PAM: variants seen among roughly 807,000 people sequenced by gnomAD.
The protein encoded by PAM is peptidyl-glycine alpha-amidating monooxygenase.
Under a neutral mutation model 122.1 loss-of-function variants are expected in PAM, and 72 were observed. The ratio of observed to expected loss-of-function variants is 0.59; its 90% CI spans 0.49 to 0.72. The LOEUF (loss-of-function observed/expected upper bound fraction) is 0.72. Ranked by LOEUF, PAM falls within the 30% of genes least tolerant of loss-of-function variation. The pLI is 0.00. For synonymous variants in PAM, 389 were observed against 404.4 expected, an observed-to-expected ratio of 0.96 and a Z score of 0.46; for missense variants, 1,106 against 1,183.7, an observed-to-expected ratio of 0.93 and a Z score of 0.96.
At chr5:102,830,373 C>T (rs1775069028) in intron 1 of PAM, among the ~76,000 whole-genome samples, 1 of 152,154 alleles carries the variant, frequency 6.6e-6, no homozygotes, top group African/African-American at 2.4e-5. Flanking sequence ...TATTTCACCA[C>T]TGTACTGAAT....
intron 1 of PAM, among the ~76,000 whole-genome samples, chr5:102,759,859 G>T (rs528322215): frequency 6.6e-6 from 1 of 152,182 alleles, no homozygotes; most frequent in African/African-American, 2.4e-5. Flanking sequence ...ATGCAGTCTA[G>T]CTACTGTATA....
At position 102,784,139 on chromosome 5, in the gene PAM, C is replaced by T. The variant is rs187910120; in HGVS notation, c.-374+28791C>T. Reference sequence around the variant, plus strand: ...CGATCTCCTGACCTTGTGATCCGCCCGCCTCAGACTCCCAAAGTGCTGGGA... The same window carrying T: ...CGATCTCCTGACCTTGTGATCCGCCTGCCTCAGACTCCCAAAGTGCTGGGA... On this transcript the variant is annotated intron_variant, in intron 1 of 25. Transcript: ENST00000438793. Among the ~76,000 whole-genome samples, 10 of 152,032 alleles carry T rather than the reference C, an allele frequency of 6.6e-5. No individual in the cohort carries two copies. In the East Asian group the frequency reaches 9.7e-4, roughly 15 times the overall value.
At position 103,025,229 on chromosome 5, in the gene PAM, T is replaced by C; in HGVS notation, c.2584T>C (p.Ser862Pro). 1 of 1,613,296 alleles carries C rather than the reference T, an allele frequency of 6.2e-7. No individual in the cohort carries two copies. Among genetic ancestry groups the C allele is most frequent in the Non-Finnish European group, 8.5e-7 (1 of 1,179,296 alleles). Reference sequence around the variant, plus strand: ...ACAGAAACTGATCAAAGAGCCAGGCTCGGGAGTGCCTGTTGTTCTCATTAC... The same window carrying C: ...ACAGAAACTGATCAAAGAGCCAGGCCCGGGAGTGCCTGTTGTTCTCATTAC... ...EKQKLIKEPGSGVPVVLITTL... is the reference protein window; with the variant it reads ...EKQKLIKEPGPGVPVVLITTL... Residue 862 changes from serine to proline, a missense_variant, in exon 24 of 26, where the codon TCG (serine) becomes CCG (proline). By Grantham distance (74) the Ser-to-Pro change is moderately conservative. Around this residue, in one of 3 missense-constraint regions of PAM, gnomAD observed 333 missense variants for 335.6 expected, o/e 0.99. Coordinates refer to ENST00000438793, the MANE Select transcript of PAM (RefSeq NM_001177306.2).
At chr5:102,972,755 G>A (rs996283097) in intron 14 of PAM, among the ~76,000 whole-genome samples, 2 of 152,210 alleles carry the variant, frequency 1.3e-5, no homozygotes, top group South Asian at 4.1e-4. Context: ...GAATGCCACT[G>A]TGCCCTAACA....
intron 4 of PAM, among the ~76,000 whole-genome samples, chr5:102,911,329 A>T (rs1009368484): frequency 1.3e-5 from 2 of 151,958 alleles, no homozygotes; most frequent in African/African-American, 4.8e-5. Context: ...TATGTGAGTC[A>T]GTGAGAATCT....
At chr5:102,943,802 TG>T (rs1756086035) in intron 7 of PAM, among the ~76,000 whole-genome samples, 1 of 152,218 alleles carries the variant, frequency 6.6e-6, no homozygotes, top group Non-Finnish European at 1.5e-5. Context: ...TAATTCGGCA[TG>T]GTTATACATC....
At chr5:102,949,409 G>A (rs1758041603) in intron 9 of PAM, 128 bp from the exon 10 acceptor site, 2 of 689,982 alleles carry the variant, frequency 2.9e-6, no homozygotes, top group African/African-American at 3.6e-5. Flanking sequence ...CTTAATATCT[G>A]TGTATTTAAG....
chr5:102,895,897 T>C (rs1581438314), intron 3 of PAM: 1 of 151,684 alleles, frequency 6.6e-6, no homozygotes, highest in Non-Finnish European at 1.5e-5. Context: ...GTTCAGAAGA[T>C]TGACTGATTC....
At chr5:102,936,200 T>C (rs188879215) in intron 7 of PAM, among the ~76,000 whole-genome samples, 17 of 152,176 alleles carry the variant, frequency 1.1e-4, no homozygotes, top group African/African-American at 4.1e-4. Flanking sequence ...TAGCTTGAAA[T>C]TGGCTGTGGT....
intron 7 of PAM, among the ~76,000 whole-genome samples, chr5:102,938,018 C>T (rs756977014): frequency 6.6e-6 from 1 of 152,032 alleles, no homozygotes; most frequent in Non-Finnish European, 1.5e-5. Context: ...CTTGATAATC[C>T]CACTGATTTC....
chr5:102,791,053 T>G (rs1268206454), intron 1 of PAM, among the ~76,000 whole-genome samples: 1 of 152,170 alleles, frequency 6.6e-6, no homozygotes, highest in Non-Finnish European at 1.5e-5. Context: ...CATTTTCTCC[T>G]GTCACTAAAT....
At chr5:102,892,609 A>G (rs1247334284) in intron 3 of PAM, among the ~76,000 whole-genome samples, 1 of 151,896 alleles carries the variant, frequency 6.6e-6, no homozygotes. Context: ...TTTCATAGCC[A>G]TAACAGTGCA....
intron 1 of PAM, among the ~76,000 whole-genome samples, chr5:102,807,265 G>A (rs1016831815): frequency 6.6e-6 from 1 of 152,206 alleles, no homozygotes; most frequent in African/African-American, 2.4e-5. Context: ...AATAAGTGTA[G>A]TATTTCATTA....
At chr5:102,981,859 G>A (rs1010008895) in intron 15 of PAM, among the ~76,000 whole-genome samples, 3 of 152,118 alleles carry the variant, frequency 2.0e-5, no homozygotes, top group African/African-American at 7.2e-5. Context: ...ACATTTGGTG[G>A]GGGAATGACT....
At chr5:102,879,105 T>A (rs1472238207) in intron 3 of PAM, among the ~76,000 whole-genome samples, 1 of 151,796 alleles carries the variant, frequency 6.6e-6, no homozygotes, top group African/African-American at 2.4e-5. Context: ...ATTTTTTGTA[T>A]TTTTTTAGTA....
intron 7 of PAM, among the ~76,000 whole-genome samples, chr5:102,929,740 A>G (rs1040489349): frequency 1.3e-5 from 2 of 152,144 alleles, no homozygotes; most frequent in South Asian, 4.1e-4. Context: ...AGAGAGTATA[A>G]CCTGAAGCCA....
intron 7 of PAM, among the ~76,000 whole-genome samples, chr5:102,932,690 C>T (rs1033445101): frequency 1.9e-4 from 29 of 150,680 alleles, no homozygotes; most frequent in Admixed American, 1.5e-3. Context: ...GAGTATATTA[C>T]GTGTCTTAGG....
intron 1 of PAM, among the ~76,000 whole-genome samples, chr5:102,804,695 A>C (rs566954511): frequency 7.2e-5 from 11 of 152,332 alleles, no homozygotes; most frequent in Middle Eastern, 3.4e-3. Context: ...ACTAGGAGGA[A>C]GCTCAACCTA....
intron 18 of PAM, among the ~76,000 whole-genome samples, chr5:103,005,657 ATAT>A (rs1223931250): frequency 6.6e-6 from 1 of 152,156 alleles, no homozygotes; most frequent in Non-Finnish European, 1.5e-5. Context: ...GCCCTGCTTC[ATAT>A]TACCATCATA....
Sources: gnomAD v4.1 joint callset for allele counts (sites outside exome capture counted in the v4.1 genomes callset) on GRCh38, gnomAD v4.1.1 for gene constraint, gnomAD v4.1.1 regional missense constraint, MANE v1.5 for transcripts, NCBI Gene and HGNC (gene_info 2026-07-23, HGNC 2026-07-21) for gene names.